The following LIG1 variants were observed in gnomAD, a reference collection of about 807,000 sequenced individuals.
LIG1 encodes ligase I, DNA, ATP-dependent.
A neutral mutation model predicts 115.7 loss-of-function variants in LIG1; 70 were observed. The ratio of observed to expected loss-of-function variants is 0.60; its 90% CI spans 0.50 to 0.74. LIG1 has a LOEUF of 0.74. Among genes scored for constraint, LIG1 ranks in the 30% least tolerant of loss-of-function variants. The pLI is 0.00. For missense variants in LIG1, 1,115 were observed against 1,225.6 expected (o/e 0.91, Z 1.35); for synonymous variants, 487 against 495.3 (o/e 0.98, Z 0.22).
Position 48,115,942 on chromosome 19 carries a change from G to C in LIG1, c.2607C>G (p.Ser869=). ...RGLVDSDKGI[S]LRFPRFIRVR... The stretch of plus-strand genomic sequence containing the variant: ...CTCGAATAAACCGAGGGAAGCGAAG[G>C]GAGATGCCCTTGTCACTATCCACCT... Residue 869 remains serine, a synonymous_variant, in exon 27 of 28, where the codon TCC becomes TCG. Transcript: ENST00000263274. 6.2e-7 allele frequency: 1 copy of C among 1,613,896 alleles called. No individual in the cohort carries two copies. The highest frequency in any genetic ancestry group is 1.1e-5 in the South Asian group (1 of 91,072).
chr19:48,155,362 A>C (rs1368722855), intron 5 of LIG1, among the ~76,000 whole-genome samples: 1 of 152,114 alleles, frequency 6.6e-6, no homozygotes, highest in East Asian at 1.9e-4. Context: ...ATTCTCCAGA[A>C]ACAAGGAAGT....
At chr19:48,140,343 C>T (rs548606622) in intron 11 of LIG1, among the ~76,000 whole-genome samples, 200 bp from the exon 12 acceptor site, 114 of 152,310 alleles carry the variant, frequency 7.5e-4, no homozygotes, top group Middle Eastern at 3.4e-3. Context: ...TTTGCAAAAC[C>T]GTAACTGAGG....
intron 25 of LIG1, chr19:48,118,533 C>CTTT (rs2033028854): frequency 9.3e-6 from 1 of 108,102 alleles, no homozygotes; most frequent in African/African-American, 3.4e-5. Flanking sequence ...TATAAATGAT[C>CTTT]CTTTTTTTTT....
At chr19:48,118,115 A>C (rs1220141521) in intron 25 of LIG1, among the ~76,000 whole-genome samples, 1 of 152,100 alleles carries the variant, frequency 6.6e-6, no homozygotes, top group Non-Finnish European at 1.5e-5. Context: ...GAGGCAGAGA[A>C]AGGGCCAGAG....
chr19:48,134,935 C>A (rs1057156133), intron 16 of LIG1, among the ~76,000 whole-genome samples: 1 of 152,216 alleles, frequency 6.6e-6, no homozygotes, highest in East Asian at 1.9e-4. Context: ...GAGTCACCAG[C>A]CCTGGGTCAG....
Position 48,117,611 on chromosome 19 carries a change from GCCACGGC to G in LIG1, c.2583+20_2583+26del. On this transcript the variant is annotated intron_variant, in intron 26 of 27. Coordinates refer to ENST00000263274, the MANE Select transcript of LIG1 (RefSeq NM_000234.3). ...GTGCCCGCCCAGAATCCCACACAGGGCCACGGCCAGGTCCTCTGCCACTCACCAGGCC... is the reference window on the plus strand; with the variant it reads ...GTGCCCGCCCAGAATCCCACACAGGGCAGGTCCTCTGCCACTCACCAGGCC... The G allele has an allele frequency of 6.2e-7, 1 of 1,609,614 alleles. No homozygotes were observed. The highest frequency in any genetic ancestry group is 8.5e-7 in the Non-Finnish European group (1 of 1,178,932).
chr19:48,161,601 T>G (rs1303907636), intron 3 of LIG1, 94 bp from the exon 4 acceptor site: 4 of 1,413,528 alleles, frequency 2.8e-6, no homozygotes, highest in Non-Finnish European at 4.0e-6. Context: ...TGCTGTTTCC[T>G]TCCCTTCCTT....
chr19:48,155,599 T>C (rs751848314), intron 5 of LIG1, among the ~76,000 whole-genome samples: 17 of 152,136 alleles, frequency 1.1e-4, no homozygotes, highest in Non-Finnish European at 1.8e-4. Context: ...AAGCCACGTA[T>C]GTAACCTTAA....
chr19:48,158,053 T>C (rs1568547166), intron 4 of LIG1, among the ~76,000 whole-genome samples: 1 of 152,084 alleles, frequency 6.6e-6, no homozygotes, highest in East Asian at 1.9e-4. Context: ...TCTCTTGCCA[T>C]GTGACACACC....
intron 12 of LIG1, among the ~76,000 whole-genome samples, chr19:48,138,135 G>A (rs1023062463): frequency 2.6e-5 from 4 of 152,214 alleles, no homozygotes; most frequent in Admixed American, 1.3e-4. Flanking sequence ...GCTTACACAC[G>A]TGGGATGTGC....
intron 1 of LIG1, chr19:48,169,639 T>TA (rs1259373610): frequency 6.2e-6 from 1 of 162,222 alleles, no homozygotes; most frequent in Non-Finnish European, 1.4e-5. Flanking sequence ...CTCCCTCCAG[T>TA]AGGGCCCACT....
At chr19:48,154,695 G>A (rs1045857628) in intron 5 of LIG1, 5 of 154,784 alleles carry the variant, frequency 3.2e-5, no homozygotes, top group African/African-American at 9.6e-5. Flanking sequence ...CACAAAGGCA[G>A]TTGTACCCAT....
chr19:48,151,192 AGGAGGTGGGGCAG>A, intron 7 of LIG1, 27 bp downstream of exon 7: 3 of 1,267,960 alleles, frequency 2.4e-6, no homozygotes, highest in Non-Finnish European at 3.4e-6. Flanking sequence ...CCCCAAAATC[AGGAGGTGGGGCAG>A]GGCGGAGGAG....
intron 12 of LIG1, among the ~76,000 whole-genome samples, chr19:48,138,263 C>A (rs896081905): frequency 6.6e-6 from 1 of 152,168 alleles, no homozygotes; most frequent in Non-Finnish European, 1.5e-5. Context: ...CCTATCAGAA[C>A]CAACACACCC....
chr19:48,120,932 T>C (rs1359159695), intron 24 of LIG1: 2 of 1,363,206 alleles, frequency 1.5e-6, no homozygotes, highest in Non-Finnish European at 1.9e-6. Flanking sequence ...CCACTATTTG[T>C]AGCTAATCTC....
intron 9 of LIG1, among the ~76,000 whole-genome samples, chr19:48,145,369 A>G (rs749813287): frequency 2.0e-5 from 3 of 152,118 alleles, no homozygotes; most frequent in Non-Finnish European, 4.4e-5. Flanking sequence ...GGTCCCTACT[A>G]TGACAGGTTG....
At chr19:48,145,519 G>C (rs1568523082) in intron 9 of LIG1, among the ~76,000 whole-genome samples, 1 of 151,042 alleles carries the variant, frequency 6.6e-6, no homozygotes, top group Admixed American at 6.6e-5. Flanking sequence ...GAGACCTCAG[G>C]ATATTTTTCA....
chr19:48,158,286 C>T (rs1372881636), intron 4 of LIG1, among the ~76,000 whole-genome samples: 1 of 152,146 alleles, frequency 6.6e-6, no homozygotes, highest in Non-Finnish European at 1.5e-5. Flanking sequence ...GAGTGGGGTG[C>T]CCTCCTCTTC....
At chr19:48,149,947 C>G in intron 8 of LIG1, 106 bp from the exon 9 acceptor site, 1 of 1,550,184 alleles carries the variant, frequency 6.5e-7, no homozygotes, top group Non-Finnish European at 8.8e-7. Context: ...AGATGGGAGA[C>G]AGGCTGGTAG....
Sources: allele counts gnomAD v4.1 joint callset (sites outside exome capture counted in the v4.1 genomes callset), GRCh38; gene constraint gnomAD v4.1.1; transcripts MANE v1.5; gene names NCBI Gene and HGNC (gene_info 2026-07-23, HGNC 2026-07-21).